The following ARB2A variants were observed in gnomAD, a reference collection of about 807,000 sequenced individuals.
The protein encoded by ARB2A is cotranscriptional regulator ARB2A.
At chr5:94,107,981 T>C in the ARB2A span, among the ~76,000 whole-genome samples, 1 of 152,178 alleles carries the variant, frequency 6.6e-6, no homozygotes, top group Non-Finnish European at 1.5e-5. Context: ...GGGTCCCCTC[T>C]CCTCTGCTGT....
At chr5:94,069,301 G>A in the ARB2A span, among the ~76,000 whole-genome samples, 1 of 152,148 alleles carries the variant, frequency 6.6e-6, no homozygotes, top group African/African-American at 2.4e-5. Flanking sequence ...ATGGATTAAA[G>A]ATTTAAATGT....
At chr5:93,827,111 A>C in the ARB2A span, among the ~76,000 whole-genome samples, 3 of 152,170 alleles carry the variant, frequency 2.0e-5, no homozygotes, top group African/African-American at 7.2e-5. Flanking sequence ...GTATATCCCC[A>C]GTAATGGGAT....
the ARB2A span, among the ~76,000 whole-genome samples, chr5:93,664,329 C>T: frequency 6.6e-6 from 1 of 152,072 alleles, no homozygotes; most frequent in African/African-American, 2.4e-5. Context: ...AATCCTCCTG[C>T]CTTGGCCCTC....
At chr5:93,956,787 C>A in the ARB2A span, among the ~76,000 whole-genome samples, 8 of 151,980 alleles carry the variant, frequency 5.3e-5, no homozygotes, top group Non-Finnish European at 8.8e-5. Flanking sequence ...ACCTCCCCAT[C>A]CACAGAGCAA....
chr5:93,641,365 A>T, the ARB2A span, among the ~76,000 whole-genome samples: 1 of 152,340 alleles, frequency 6.6e-6, no homozygotes, highest in South Asian at 2.1e-4. Context: ...GGTAGATGCC[A>T]TCTATTATTT....
At chr5:94,052,209 A>G in the ARB2A span, among the ~76,000 whole-genome samples, 2 of 152,196 alleles carry the variant, frequency 1.3e-5, no homozygotes, top group African/African-American at 2.4e-5. Context: ...CTTTTTCCCC[A>G]GGGGTATTCC....
chr5:93,741,068 G>A, the ARB2A span: 1 of 1,613,882 alleles, frequency 6.2e-7, no homozygotes, highest in Non-Finnish European at 8.5e-7. Context: ...GCCTCGAAGC[G>A]GCAGATGGTC....
At chr5:94,014,896 G>A in the ARB2A span, among the ~76,000 whole-genome samples, 1 of 149,604 alleles carries the variant, frequency 6.7e-6, no homozygotes, top group Non-Finnish European at 1.5e-5. Context: ...ACGAGATACA[G>A]AAAATTAACT....
the ARB2A span, among the ~76,000 whole-genome samples, chr5:93,688,165 G>C: frequency 2.0e-5 from 3 of 152,008 alleles, no homozygotes; most frequent in Non-Finnish European, 2.9e-5. Context: ...GTAGAGACAG[G>C]GTTTCACCAT....
chr5:93,711,433 T>C, the ARB2A span, among the ~76,000 whole-genome samples: 1 of 152,170 alleles, frequency 6.6e-6, no homozygotes, highest in Non-Finnish European at 1.5e-5. Flanking sequence ...TATGTTTCCT[T>C]TACCCTCAGT....
At chr5:93,834,365 T>C in the ARB2A span, among the ~76,000 whole-genome samples, 1 of 152,216 alleles carries the variant, frequency 6.6e-6, no homozygotes, top group African/African-American at 2.4e-5. Flanking sequence ...AGAAGGCTAA[T>C]GATGTTATAT....
the ARB2A span, among the ~76,000 whole-genome samples, chr5:93,730,416 T>C: frequency 2.1e-4 from 32 of 152,192 alleles, no homozygotes; most frequent in South Asian, 5.4e-3. Flanking sequence ...GTAATACATA[T>C]TTAGCAAGCA....
At chr5:93,772,457 A>G in the ARB2A span, among the ~76,000 whole-genome samples, 1 of 152,096 alleles carries the variant, frequency 6.6e-6, no homozygotes, top group African/African-American at 2.4e-5. Flanking sequence ...AAAGTATAAT[A>G]ATAATAAAAT....
chr5:93,698,683 C>G, the ARB2A span, among the ~76,000 whole-genome samples: 1 of 152,358 alleles, frequency 6.6e-6, no homozygotes, highest in East Asian at 1.9e-4. Context: ...CAAAATTTTA[C>G]AGATGAACAC....
At chr5:93,971,540 C>T in the ARB2A span, among the ~76,000 whole-genome samples, 1 of 148,964 alleles carries the variant, frequency 6.7e-6, no homozygotes, top group Non-Finnish European at 1.5e-5. Flanking sequence ...GCACTCCAGC[C>T]TGGGCAATGA....
chr5:94,111,589 C>T, the ARB2A span: 2 of 152,394 alleles, frequency 1.3e-5, no homozygotes, highest in African/African-American at 4.8e-5. Flanking sequence ...GTCGAACTCC[C>T]TCGTGCGGTT....
the ARB2A span, among the ~76,000 whole-genome samples, chr5:94,069,043 T>TAGAC: frequency 7.3e-6 from 1 of 137,526 alleles, no homozygotes; most frequent in Non-Finnish European, 1.6e-5. Context: ...CTTAAAAAGA[T>TAGAC]AGATAGATAG....
the ARB2A span, among the ~76,000 whole-genome samples, chr5:93,653,769 G>A: frequency 6.6e-6 from 1 of 152,078 alleles, no homozygotes; most frequent in South Asian, 2.1e-4. Flanking sequence ...TATTATTAGA[G>A]TCTATCCTTA....
At chr5:93,629,181 C>T in the ARB2A span, among the ~76,000 whole-genome samples, 16 of 152,212 alleles carry the variant, frequency 1.1e-4, no homozygotes, top group Non-Finnish European at 2.1e-4. Context: ...GGGTAAGAGA[C>T]GGCGGAATGG....
Sources: allele counts gnomAD v4.1 joint callset (sites outside exome capture counted in the v4.1 genomes callset), GRCh38; gene constraint gnomAD v4.1.1; transcripts MANE v1.5; gene names NCBI Gene and HGNC (gene_info 2026-07-23, HGNC 2026-07-21).